The following ADAMTS19 variants were observed in gnomAD, a reference collection of about 807,000 sequenced individuals.
The protein encoded by ADAMTS19 is A disintegrin and metalloproteinase with thrombospondin motifs 19.
In ADAMTS19, 93 loss-of-function variants were observed where a neutral mutation model predicts 153.3. That is an observed-to-expected ratio of 0.61 (90% CI 0.51 to 0.72). The LOEUF is 0.72. Ranked by LOEUF, ADAMTS19 falls within the 30% of genes least tolerant of loss-of-function variation. The pLI is 0.00. For missense variants in ADAMTS19, 1,482 were observed against 1,552.1 expected (o/e 0.95, Z 0.76); for synonymous variants, 600 against 556.6 (o/e 1.08, Z -1.10).
intron 7 of ADAMTS19, among the ~76,000 whole-genome samples, chr5:129,583,928 A>C (rs1386853691): frequency 6.6e-6 from 1 of 151,930 alleles, no homozygotes; most frequent in Non-Finnish European, 1.5e-5. Context: ...TGTCAAAATC[A>C]TTGTCTGTCC....
intron 10 of ADAMTS19, among the ~76,000 whole-genome samples, chr5:129,634,042 T>C (rs1044756934): frequency 6.6e-5 from 10 of 152,162 alleles, no homozygotes; most frequent in African/African-American, 2.4e-4. Flanking sequence ...TATAAGATGA[T>C]ATGTTTTTCC....
intron 10 of ADAMTS19, among the ~76,000 whole-genome samples, chr5:129,638,463 CTTGA>C (rs1752627260): frequency 6.6e-6 from 1 of 151,462 alleles, no homozygotes; most frequent in East Asian, 1.9e-4. Context: ...TCTCTTTTTG[CTTGA>C]TTAATTTTCA....
At chr5:129,592,278 G>A (rs1750171387) in intron 7 of ADAMTS19, among the ~76,000 whole-genome samples, 1 of 151,296 alleles carries the variant, frequency 6.6e-6, no homozygotes, top group South Asian at 2.1e-4. Flanking sequence ...TACTTGGGAG[G>A]CTGAGGCAGA....
intron 7 of ADAMTS19, among the ~76,000 whole-genome samples, chr5:129,576,520 C>G (rs997842276): frequency 6.6e-6 from 1 of 151,810 alleles, no homozygotes; most frequent in African/African-American, 2.4e-5. Flanking sequence ...TCACTTAATT[C>G]CAAGAAAATC....
intron 10 of ADAMTS19, among the ~76,000 whole-genome samples, chr5:129,625,019 T>G (rs939818910): frequency 6.7e-6 from 1 of 149,234 alleles, no homozygotes; most frequent in Non-Finnish European, 1.5e-5. Context: ...TGGTGTATGA[T>G]ATTTTCCCCG....
At chr5:129,551,533 A>G (rs1256504128) in intron 6 of ADAMTS19, among the ~76,000 whole-genome samples, 1 of 149,574 alleles carries the variant, frequency 6.7e-6, no homozygotes, top group Non-Finnish European at 1.5e-5. Context: ...TAATTTTTCA[A>G]ATGGAAAGCC....
Position 129,568,365 on chromosome 5 carries a change from G to C in ADAMTS19, c.1372+16458G>C, listed in dbSNP as rs568408034. Among the ~76,000 whole-genome samples, 137 of 152,164 alleles carry C rather than the reference G, an allele frequency of 9.0e-4. 1 individual carries two copies. The highest frequency in any genetic ancestry group is 3.0e-3 in the African/African-American group (126 of 41,538). ...ATAAGACAACAACAGTAATACATGG[G>C]GGGGGATAAAGGGACTTTCATGTTG... On this transcript the variant is annotated intron_variant, in intron 7 of 22. Transcript: ENST00000274487.
intron 3 of ADAMTS19, among the ~76,000 whole-genome samples, chr5:129,510,856 G>GATAT (rs60233609): frequency 0.035 from 4,956 of 141,032 alleles, 93 homozygotes; most frequent in Middle Eastern, 0.056. Flanking sequence ...AAGTTTCTGA[G>GATAT]ATATATATAT....
At chr5:129,724,327 A>G (rs1273522428) in intron 21 of ADAMTS19, among the ~76,000 whole-genome samples, 1 of 152,172 alleles carries the variant, frequency 6.6e-6, no homozygotes, top group Non-Finnish European at 1.5e-5. Flanking sequence ...TGCTTTGTCA[A>G]TCTTAAGGTC....
intron 8 of ADAMTS19, among the ~76,000 whole-genome samples, chr5:129,601,650 G>C (rs1469054302): frequency 6.6e-6 from 1 of 152,204 alleles, no homozygotes; most frequent in South Asian, 2.1e-4. Flanking sequence ...GAGTCCAGGA[G>C]ACACCAGGCT....
At chr5:129,646,090 G>A (rs961641203) in intron 11 of ADAMTS19, among the ~76,000 whole-genome samples, 7 of 150,180 alleles carry the variant, frequency 4.7e-5, no homozygotes, top group South Asian at 2.1e-4. Context: ...GGGTTTCACT[G>A]TTTTAGCCGG....
intron 17 of ADAMTS19, among the ~76,000 whole-genome samples, chr5:129,682,699 G>A (rs528550402): frequency 8.5e-4 from 130 of 152,166 alleles, no homozygotes; most frequent in African/African-American, 3.0e-3. Context: ...CTTATAATCA[G>A]CAACATCAAA....
intron 9 of ADAMTS19, among the ~76,000 whole-genome samples, chr5:129,621,712 T>C (rs1050417719): frequency 2.0e-5 from 3 of 152,198 alleles, no homozygotes; most frequent in African/African-American, 7.2e-5. Flanking sequence ...TGACATCAAA[T>C]ACCACTTTAA....
At chr5:129,492,124 C>T (rs972220802) in intron 2 of ADAMTS19, among the ~76,000 whole-genome samples, 2 of 152,154 alleles carry the variant, frequency 1.3e-5, no homozygotes, top group Non-Finnish European at 2.9e-5. Context: ...AACTTACAAT[C>T]ATGGCAGAAG....
intron 16 of ADAMTS19, among the ~76,000 whole-genome samples, chr5:129,670,322 T>C (rs552647519): frequency 7.6e-4 from 116 of 152,284 alleles, no homozygotes; most frequent in Admixed American, 2.0e-3. Context: ...ACACAGGAAA[T>C]TATAGACTTT....
chr5:129,651,843 G>T (rs1753329711), intron 13 of ADAMTS19, among the ~76,000 whole-genome samples: 1 of 152,032 alleles, frequency 6.6e-6, no homozygotes, highest in Non-Finnish European at 1.5e-5. Context: ...TGAATACATA[G>T]CCAGTAACTT....
intron 6 of ADAMTS19, among the ~76,000 whole-genome samples, chr5:129,535,705 G>A (rs527436544): frequency 3.9e-5 from 6 of 152,068 alleles, no homozygotes; most frequent in South Asian, 2.1e-4. Context: ...TACTGGTACC[G>A]AAACAGAGAT....
At position 129,680,336 on chromosome 5, in the gene ADAMTS19, C is replaced by T. The variant is rs568420643; in HGVS notation, c.2664+415C>T. On this transcript the variant is annotated intron_variant, in intron 17 of 22. Coordinates refer to ENST00000274487, the MANE Select transcript of ADAMTS19 (RefSeq NM_133638.6). ...ACCTTAGATAAAATGTTATTCTACC[C>T]GAGAGAAGGAATTTGATAAATACAT... 4.6e-5 allele frequency among the ~76,000 whole-genome samples: 7 copies of T among 152,134 alleles called. No individual in the cohort carries two copies. The South Asian group carries it at 1.2e-3, about 27-fold the overall frequency.
intron 11 of ADAMTS19, among the ~76,000 whole-genome samples, chr5:129,643,946 G>T (rs544073496): frequency 6.6e-6 from 1 of 152,188 alleles, no homozygotes; most frequent in Non-Finnish European, 1.5e-5. Context: ...CAAACATACT[G>T]CGATGAGCCC....
Sources: allele counts gnomAD v4.1 joint callset (sites outside exome capture counted in the v4.1 genomes callset), GRCh38; gene constraint gnomAD v4.1.1; transcripts MANE v1.5; gene names NCBI Gene and HGNC (gene_info 2026-07-23, HGNC 2026-07-21).